The following EIPR1 variants were observed in gnomAD, a reference collection of about 807,000 sequenced individuals.
EIPR1 encodes the protein EARP complex and GARP complex interacting protein 1.
In EIPR1, 25 loss-of-function variants were observed where a neutral mutation model predicts 48.1. That is an observed-to-expected ratio of 0.52 (90% CI 0.38 to 0.73). EIPR1 has a LOEUF of 0.73. EIPR1 is among the 30% of genes least tolerant of loss of function. EIPR1 has a pLI of 0.00. For synonymous variants in EIPR1, 204 were observed against 201.9 expected (o/e 1.01, Z -0.09); for missense variants, 415 against 506.2 (o/e 0.82, Z 1.73).
At chr2:3,269,254 TCG>T (rs1667594015) in intron 3 of EIPR1, among the ~76,000 whole-genome samples, 3 of 150,006 alleles carry the variant, frequency 2.0e-5, no homozygotes, top group Non-Finnish European at 3.0e-5. Flanking sequence ...CACTCAGTCA[TCG>T]CACTCAGTCA....
At chr2:3,349,821 C>T (rs569076910) in intron 2 of EIPR1, among the ~76,000 whole-genome samples, 1 of 152,276 alleles carries the variant, frequency 6.6e-6, no homozygotes, top group African/African-American at 2.4e-5. Context: ...TGTTCTCACA[C>T]TGCTATAAAG....
chr2:3,253,256 G>A (rs552105224), intron 4 of EIPR1, among the ~76,000 whole-genome samples: 1 of 152,166 alleles, frequency 6.6e-6, no homozygotes, highest in South Asian at 2.1e-4. Context: ...CTCCTGCTTC[G>A]AGTTGTCCCC....
chr2:3,208,418 C>T lies in EIPR1; in HGVS notation c.516+5731G>A, dbSNP rs1011445404. On this transcript the variant is annotated intron_variant, in intron 5 of 8. Transcript: ENST00000382125. ...AGCCCCAGATCTGGCACTCAGACCA[C>T]GTCACCTTCAGACACTTCCTCTGCT... The T allele has an allele frequency of 2.9e-5, 43 of 1,459,534 alleles. 1 individual carries two copies. The highest frequency in any genetic ancestry group is 2.1e-4 in the Middle Eastern group (1 of 4,714). The allele number at this position is 1,459,534 out of a possible 1,614,324, so 90.4% of individuals were successfully genotyped here.
chr2:3,198,757 T>C (rs1291542704), intron 5 of EIPR1, among the ~76,000 whole-genome samples: 1 of 151,990 alleles, frequency 6.6e-6, no homozygotes, highest in Non-Finnish European at 1.5e-5. Flanking sequence ...GAATAGGGTG[T>C]GGGTCACAGA....
chr2:3,210,932 C>T (rs556182204), intron 5 of EIPR1, among the ~76,000 whole-genome samples: 14 of 152,160 alleles, frequency 9.2e-5, no homozygotes, highest in Non-Finnish European at 1.9e-4. Context: ...AGCCACTGCC[C>T]CTGGCCTAGC....
intron 5 of EIPR1, among the ~76,000 whole-genome samples, chr2:3,197,379 T>C (rs1359224486): frequency 1.2e-4 from 18 of 152,224 alleles, no homozygotes. Context: ...CAGGTCCACC[T>C]GAGCGGTTCC....
chr2:3,222,925 C>T (rs1464958181), intron 4 of EIPR1, among the ~76,000 whole-genome samples: 1 of 152,094 alleles, frequency 6.6e-6, no homozygotes, highest in African/African-American at 2.4e-5. Context: ...ACGGGCGGTT[C>T]CCTAACCAAT....
chr2:3,353,346 AC>A, intron 2 of EIPR1: 1 of 469,538 alleles, frequency 2.1e-6, no homozygotes, highest in Non-Finnish European at 4.4e-6. Context: ...TCAATTGTGC[AC>A]TTTGCTTTTT....
rs780172481 is a variant in EIPR1, at chr2:3,338,077, T to A, written c.199A>T (p.Ile67Phe). The A allele has an allele frequency of 1.2e-6, 2 of 1,613,210 alleles. No individual in the cohort carries two copies. The highest frequency in any genetic ancestry group is 1.7e-6 in the Non-Finnish European group (2 of 1,179,880). ...KNVLLHQAGE[I>F]WHISASPADR... ...GCAGGGCTAGCGCTAATATGCCAGA[T>A]TTCACCCGCTTGATGGAGGAGGACA... Residue 67 changes from isoleucine (I) to phenylalanine (F), a missense_variant, in exon 3 of 9, where the codon ATC becomes TTC. Ile to Phe is a conservative substitution (Grantham distance 21). Transcript: ENST00000382125.
chr2:3,313,828 A>G (rs927961011), intron 3 of EIPR1, among the ~76,000 whole-genome samples: 2 of 152,180 alleles, frequency 1.3e-5, no homozygotes, highest in African/African-American at 4.8e-5. Flanking sequence ...AAATGAAGGA[A>G]AAAACAGGAT....
chr2:3,290,289 T>G (rs951643509), intron 3 of EIPR1, among the ~76,000 whole-genome samples: 18 of 152,250 alleles, frequency 1.2e-4, no homozygotes, highest in African/African-American at 4.1e-4. Context: ...TGCGTAATTA[T>G]GACGTGTTAT....
At chr2:3,228,762 T>C (rs776881419) in intron 4 of EIPR1, among the ~76,000 whole-genome samples, 2 of 152,204 alleles carry the variant, frequency 1.3e-5, no homozygotes, top group Non-Finnish European at 2.9e-5. Context: ...GTGAGTCTCA[T>C]GAGACCTGAT....
chr2:3,295,433 AC>A (rs1668533209), intron 3 of EIPR1, among the ~76,000 whole-genome samples: 1 of 113,182 alleles, frequency 8.8e-6, no homozygotes, highest in African/African-American at 3.5e-5. Context: ...TCCTCTCTGC[AC>A]ACACACACCC....
intron 6 of EIPR1, 185 bp from the exon 7 acceptor site, chr2:3,194,351 T>C (rs1191566879): frequency 3.3e-6 from 2 of 602,080 alleles, no homozygotes; most frequent in Admixed American, 6.1e-5. Flanking sequence ...CCAGCAACCC[T>C]GTGTGGTCGC....
intron 4 of EIPR1, among the ~76,000 whole-genome samples, chr2:3,255,092 T>C (rs1667112031): frequency 6.6e-6 from 1 of 152,168 alleles, no homozygotes; most frequent in Admixed American, 6.5e-5. Flanking sequence ...AGCAATACTT[T>C]GAACAACAGA....
intron 3 of EIPR1, among the ~76,000 whole-genome samples, chr2:3,295,370 C>CACAT: frequency 7.4e-6 from 1 of 136,042 alleles, no homozygotes; most frequent in Non-Finnish European, 1.6e-5. Flanking sequence ...CCTCTCTCTA[C>CACAT]ACACCCTCCA....
chr2:3,356,954 AG>A (rs1288857112), intron 1 of EIPR1, among the ~76,000 whole-genome samples: 1 of 152,266 alleles, frequency 6.6e-6, no homozygotes, highest in Non-Finnish European at 1.5e-5. Context: ...GGAAATTGAA[AG>A]TACCTCTGAT....
chr2:3,343,648 A>C (rs373220790), intron 2 of EIPR1, among the ~76,000 whole-genome samples: 6 of 152,350 alleles, frequency 3.9e-5, no homozygotes, highest in African/African-American at 1.4e-4. Context: ...ATTTAGAATA[A>C]AGAGTTATAA....
chr2:3,244,726 C>T (rs1666742921), intron 4 of EIPR1, among the ~76,000 whole-genome samples: 1 of 152,228 alleles, frequency 6.6e-6, no homozygotes, highest in South Asian at 2.1e-4. Flanking sequence ...TTCCCAACCT[C>T]CAGAACTTAT....
Sources: allele counts gnomAD v4.1 joint callset (sites outside exome capture counted in the v4.1 genomes callset), GRCh38; gene constraint gnomAD v4.1.1; transcripts MANE v1.5; gene names NCBI Gene and HGNC (gene_info 2026-07-23, HGNC 2026-07-21).